The following EPM2A variants were observed in gnomAD, a reference collection of about 807,000 sequenced individuals.
EPM2A encodes EPM2A glucan phosphatase, laforin.
EPM2A carries 21 observed loss-of-function variants against 26.5 expected under a neutral mutation model. That is an observed-to-expected ratio of 0.79 (90% CI 0.56 to 1.14). The LOEUF is 1.14. Ranked by LOEUF, EPM2A falls within the 50% of genes most tolerant of loss-of-function variation. EPM2A has a pLI of 0.00. For missense variants in EPM2A, 458 were observed against 440.8 expected (o/e 1.04, Z -0.35); for synonymous variants, 217 against 177.6 (o/e 1.22, Z -1.76).
chr6:145,498,132 C>T (rs1226495936), downstream of EPM2A, among the ~76,000 whole-genome samples: 1 of 152,186 alleles, frequency 6.6e-6, no homozygotes, highest in Non-Finnish European at 1.5e-5. Flanking sequence ...TCAGTCTGGA[C>T]TCTCTGAAGC....
chr6:145,655,430 A>G (rs1778203446), intron 2 of EPM2A, among the ~76,000 whole-genome samples: 1 of 152,208 alleles, frequency 6.6e-6, no homozygotes. Flanking sequence ...AGGCACTGAA[A>G]TAGGTTGCAA....
chr6:145,386,251 T>C (rs936525364), intron 4 of EPM2A, among the ~76,000 whole-genome samples: 7 of 152,146 alleles, frequency 4.6e-5, no homozygotes, highest in Non-Finnish European at 8.8e-5. Flanking sequence ...TGGAAAGATA[T>C]GTTAAACAAA....
intron 2 of EPM2A, among the ~76,000 whole-genome samples, chr6:145,666,895 G>C (rs1460402481): frequency 6.9e-6 from 1 of 145,432 alleles, no homozygotes; most frequent in Non-Finnish European, 1.5e-5. Context: ...ACAAACCTGA[G>C]AAAAACAAGC....
chr6:145,483,866 T>A (rs1779638906), intron 4 of EPM2A, among the ~76,000 whole-genome samples: 1 of 152,182 alleles, frequency 6.6e-6, no homozygotes, highest in Admixed American at 6.5e-5. Context: ...TAATGACTTC[T>A]GCTCACTGGA....
At position 145,398,136 on chromosome 6, in the gene EPM2A, G is replaced by C. The variant is rs886213673; in HGVS notation, c.556-14039C>G. ...GACATTTTGCACCATGTTGAGATAGGCCTGTGCATGCCAACAACTAGACAC... is the reference window on the plus strand; with the variant it reads ...GACATTTTGCACCATGTTGAGATAGCCCTGTGCATGCCAACAACTAGACAC... On this transcript the variant is annotated intron_variant, in intron 4 of 4. Coordinates refer to the EPM2A transcript ENST00000638717. Among the ~76,000 whole-genome samples, 5 of 152,088 alleles carry C rather than the reference G, an allele frequency of 3.3e-5. No homozygotes were observed. The South Asian group carries it at 1.0e-3, about 32-fold the overall frequency.
chr6:145,400,595 C>T (rs544360061), intron 4 of EPM2A, among the ~76,000 whole-genome samples: 3 of 151,604 alleles, frequency 2.0e-5, no homozygotes, highest in Non-Finnish European at 4.4e-5. Context: ...TTACTGAGTG[C>T]CTTTGTGTCC....
intron 2 of EPM2A, among the ~76,000 whole-genome samples, chr6:145,563,494 A>G (rs1234390736): frequency 6.6e-6 from 1 of 151,960 alleles, no homozygotes; most frequent in Non-Finnish European, 1.5e-5. Flanking sequence ...TGCAGGGCTC[A>G]CTGAGTCATG....
chr6:145,489,652 G>A (rs1779728996), intron 4 of EPM2A: 6 of 1,318,244 alleles, frequency 4.6e-6, no homozygotes, highest in East Asian at 2.3e-5. Flanking sequence ...CAGCATAGCT[G>A]TTCTGTCCTC....
intron 2 of EPM2A, among the ~76,000 whole-genome samples, chr6:145,514,850 T>C (rs1464767398): frequency 6.6e-6 from 1 of 152,176 alleles, no homozygotes; most frequent in Non-Finnish European, 1.5e-5. Context: ...ATTTGAAGGC[T>C]CCACTGACAA....
intron 2 of EPM2A, among the ~76,000 whole-genome samples, chr6:145,519,424 G>A (rs1021373360): frequency 1.3e-4 from 20 of 152,128 alleles, no homozygotes; most frequent in African/African-American, 4.6e-4. Flanking sequence ...GAATAGAGCC[G>A]CTAATGTTTT....
At chr6:145,694,207 T>A (rs1781441600) in intron 1 of EPM2A, among the ~76,000 whole-genome samples, 1 of 151,996 alleles carries the variant, frequency 6.6e-6, no homozygotes, top group African/African-American at 2.4e-5. Context: ...GAACATAAGC[T>A]TTGATTCTAA....
intron 2 of EPM2A, among the ~76,000 whole-genome samples, chr6:145,523,060 T>A (rs1780225145): frequency 6.6e-6 from 1 of 152,212 alleles, no homozygotes; most frequent in African/African-American, 2.4e-5. Context: ...TTATCTATAT[T>A]CAGACATTTT....
chr6:145,428,524 A>G (rs919292996), intron 4 of EPM2A, among the ~76,000 whole-genome samples: 2 of 152,210 alleles, frequency 1.3e-5, no homozygotes, highest in African/African-American at 4.8e-5. Context: ...TCCTCATTGT[A>G]GGAGAATCAT....
chr6:145,518,078 AG>A (rs1354408527), intron 2 of EPM2A, among the ~76,000 whole-genome samples: 2 of 152,184 alleles, frequency 1.3e-5, no homozygotes, highest in East Asian at 3.9e-4. Flanking sequence ...GTTTCTCCAA[AG>A]GGCTGAAGAA....
chr6:145,564,334 A>G (rs1780850537), intron 2 of EPM2A, among the ~76,000 whole-genome samples: 2 of 152,196 alleles, frequency 1.3e-5, no homozygotes, highest in African/African-American at 4.8e-5. Context: ...TAAAAGAAAA[A>G]TTGCAGACAA....
intron 2 of EPM2A, among the ~76,000 whole-genome samples, chr6:145,550,048 C>T (rs913411779): frequency 6.6e-6 from 1 of 152,122 alleles, no homozygotes; most frequent in Admixed American, 6.6e-5. Context: ...GTGGTGTATA[C>T]TTGTATAGCT....
chr6:145,618,464 T>C (rs1294793077), intron 2 of EPM2A, among the ~76,000 whole-genome samples: 1 of 152,200 alleles, frequency 6.6e-6, no homozygotes, highest in Non-Finnish European at 1.5e-5. Context: ...GTAGTTCCCA[T>C]AATCCCCATG....
intron 2 of EPM2A, among the ~76,000 whole-genome samples, chr6:145,614,087 T>C (rs1013834646): frequency 2.6e-5 from 4 of 152,248 alleles, no homozygotes; most frequent in Non-Finnish European, 2.9e-5. Context: ...CCAATGATCT[T>C]AGCTAGGTCT....
At chr6:145,722,764 C>T (rs1583127875) in intron 1 of EPM2A, 3 of 452,874 alleles carry the variant, frequency 6.6e-6, no homozygotes, top group South Asian at 1.6e-5. Context: ...TAGGGGTGGC[C>T]CCAATCCAAT....
Sources: gnomAD v4.1 joint callset for allele counts (sites outside exome capture counted in the v4.1 genomes callset) on GRCh38, gnomAD v4.1.1 for gene constraint, MANE v1.5 for transcripts, NCBI Gene and HGNC (gene_info 2026-07-23, HGNC 2026-07-21) for gene names.